Variants in DPH7 observed in about 807,000 individuals in gnomAD.
The protein encoded by DPH7 is diphthine methyltransferase.
A neutral mutation model predicts 41.7 loss-of-function variants in DPH7; 44 were observed. That is an observed-to-expected ratio of 1.05 (90% CI 0.83 to 1.36). The LOEUF is 1.36. DPH7 is among the 40% of genes most tolerant of loss of function. DPH7 has a pLI of 0.00. For synonymous variants in DPH7, 275 were observed against 238.0 expected (o/e 1.16, Z -1.43); for missense variants, 629 against 577.5 (o/e 1.09, Z -0.91).
At chr9:137,559,867 T>C (rs1038943302) in intron 8 of DPH7, among the ~76,000 whole-genome samples, 1 of 152,242 alleles carries the variant, frequency 6.6e-6, no homozygotes, top group African/African-American at 2.4e-5. Context: ...ACATTGGTGG[T>C]AGTGGTCCCC....
chr9:137,556,435 G>A lies in DPH7; in HGVS notation c.950-787C>T, dbSNP rs544332690. ...AAGGGCTGCCATCGCTACCTCTGAA[G>A]TACAGGGATTGATGCCAGCAGTGAC... On this transcript the variant is annotated intron_variant, in intron 8 of 8. Transcript: ENST00000277540. The surrounding 1 kb of genome is among the most constrained non-coding windows in gnomAD (Gnocchi z 5.2). 6.6e-6 allele frequency among the ~76,000 whole-genome samples: 1 copy of A among 152,236 alleles called. No homozygotes were observed. The highest frequency in any genetic ancestry group is 1.5e-5 in the Non-Finnish European group (1 of 68,038).
intron 8 of DPH7, among the ~76,000 whole-genome samples, chr9:137,558,276 T>C (rs1208082508): frequency 1.3e-5 from 2 of 152,154 alleles, no homozygotes; most frequent in Admixed American, 1.3e-4. Context: ...AAGCCTGTAA[T>C]CCCGACACTG....
Position 137,555,009 on chromosome 9 carries a change from G to C in DPH7, c.*230C>G. The C allele has an allele frequency of 2.3e-6, 1 of 430,952 alleles. No homozygotes were observed. Among genetic ancestry groups the C allele is most frequent in the Non-Finnish European group, 3.9e-6 (1 of 253,896 alleles). The allele number at this position is 430,952 out of a possible 1,614,324, so 26.7% of individuals were successfully genotyped here. On this transcript the variant is annotated 3_prime_UTR_variant, in exon 9 of 9. Transcript: ENST00000277540. The stretch of plus-strand genomic sequence containing the variant: ...TTAACAAATCTGCAAGCTGGAAACC[G>C]CGTCTTTTCCCCACTCTCTGCCAGA...
In DPH7 at chr9:137,577,552, A is replaced by G; in HGVS notation, c.205T>C (p.Tyr69His). Residue 69 changes from tyrosine to histidine, a missense_variant, in exon 2 of 9, where the codon TAC becomes CAC. Coordinates refer to ENST00000277540, the MANE Select transcript of DPH7 (RefSeq NM_138778.5). Reference protein sequence around the residue: ...PQVRLGRLFLYSFNDNNSIHP... With the variant: ...PQVRLGRLFLHSFNDNNSIHP... ...ATAGAGTTGTTGTCATTGAAACTGT[A>G]CAGGAAGAGACGGCCTAAACGGACC... The G allele has an allele frequency of 6.2e-7, 1 of 1,614,054 alleles. No homozygotes were observed. The highest frequency in any genetic ancestry group is 2.2e-5 in the East Asian group (1 of 44,878).
chr9:137,559,683 CT>C, intron 8 of DPH7, among the ~76,000 whole-genome samples: 1 of 152,248 alleles, frequency 6.6e-6, no homozygotes, highest in Non-Finnish European at 1.5e-5. Flanking sequence ...TCTCTCTCCT[CT>C]CCCTCTCTGC....
chr9:137,571,280 G>A lies in DPH7; in HGVS notation c.640+2928C>T, dbSNP rs1222408033. Among the ~76,000 whole-genome samples, 14 of 151,844 alleles carry A rather than the reference G, an allele frequency of 9.2e-5. No individual in the cohort carries two copies. The South Asian group carries it at 2.9e-3, about 32-fold the overall frequency. On this transcript the variant is annotated intron_variant, in intron 5 of 8. Transcript: ENST00000277540. ...CGGCTCACTGCAACCTCTGCCTCCC[G>A]GGTTCAAGCAATTCCACTGTCTCAG...
intron 2 of DPH7, among the ~76,000 whole-genome samples, chr9:137,577,036 G>C (rs536912852): frequency 1.4e-5 from 2 of 140,682 alleles, no homozygotes; most frequent in African/African-American, 5.6e-5. Flanking sequence ...CCTGGGCAAC[G>C]GAACAAAACC....
chr9:137,558,305 G>A (rs1247225397), intron 8 of DPH7, among the ~76,000 whole-genome samples: 1 of 152,200 alleles, frequency 6.6e-6, no homozygotes, highest in Non-Finnish European at 1.5e-5. Context: ...GTTGAGGCAG[G>A]AGGACTGCTT....
intron 8 of DPH7, among the ~76,000 whole-genome samples, chr9:137,559,761 A>G (rs1025299497): frequency 4.6e-5 from 7 of 152,148 alleles, no homozygotes; most frequent in Non-Finnish European, 1.0e-4. Flanking sequence ...CTTACCTATC[A>G]TTGGAGATGA....
chr9:137,577,538 G>A lies in DPH7; in HGVS notation c.219C>T (p.Asp73=), dbSNP rs1841627091. 1.2e-6 allele frequency: 2 copies of A among 1,613,882 alleles called. No individual in the cohort carries two copies. The highest frequency in any genetic ancestry group is 4.5e-5 in the East Asian group (2 of 44,896). ...LGRLFLYSFN[D]NNSIHPLVEV... is the part of the protein sequence containing the mutation. ...CGACCAGAGGGTGAATAGAGTTGTT[G>A]TCATTGAAACTGTACAGGAAGAGAC... The change falls in exon 2 of 9, where the codon GAC becomes GAT. Residue 73 remains aspartate, a synonymous_variant. Coordinates refer to ENST00000277540, the MANE Select transcript of DPH7 (RefSeq NM_138778.5).
At chr9:137,571,903 G>T (rs896701574) in intron 5 of DPH7, among the ~76,000 whole-genome samples, 3 of 152,216 alleles carry the variant, frequency 2.0e-5, no homozygotes, top group Non-Finnish European at 4.4e-5. Flanking sequence ...CATAGCATTT[G>T]TTGAAAGAAT....
At chr9:137,555,753 C>T in intron 8 of DPH7, 105 bp from the exon 9 acceptor site, 1 of 1,313,960 alleles carries the variant, frequency 7.6e-7, no homozygotes, top group Non-Finnish European at 1.0e-6. Flanking sequence ...CCTCACAGGT[C>T]AGCAAGTGTT....
rs1841377728 is a variant in DPH7 at position 137,576,279 on chromosome 9, C to A, written c.288-112G>T. 4.1e-5 allele frequency: 37 copies of A among 891,712 alleles called. 3 individuals are homozygous for A. The South Asian group carries it at 5.2e-4, about 13-fold the overall frequency. 55.2% of individuals were successfully genotyped at this position (891,712 alleles called of 1,614,324 possible). On this transcript the variant is annotated intron_variant, in intron 2 of 8. Transcript: ENST00000277540. ...CTTAACAACGGGGCTGCAGTCCACG[C>A]AAACCCAGCTGGGACATCCTACTAC... is the stretch of plus-strand genomic sequence containing the variant.
intron 8 of DPH7, among the ~76,000 whole-genome samples, chr9:137,559,186 A>G (rs945646953): frequency 6.6e-5 from 10 of 152,210 alleles, no homozygotes; most frequent in Admixed American, 1.3e-4. Context: ...TAACCTAGGA[A>G]AAACCAGGCC....
chr9:137,569,771 A>G (rs1047134407), intron 5 of DPH7, among the ~76,000 whole-genome samples: 6 of 138,900 alleles, frequency 4.3e-5, no homozygotes, highest in African/African-American at 1.7e-4. Flanking sequence ...TCCACCATCC[A>G]TCTATCCAGT....
Position 137,558,585 on chromosome 9 carries a change from C to T in DPH7, c.950-2937G>A, listed in dbSNP as rs575282745. On this transcript the variant is annotated intron_variant, in intron 8 of 8. Transcript: ENST00000277540. ...AAGAAGCCGGATATAAAAAGACACA[C>T]GATTCTACTTCCATGAAATATCTAG... Among the ~76,000 whole-genome samples, 12 of 152,184 alleles carry T rather than the reference C, an allele frequency of 7.9e-5. No homozygotes were observed. In the South Asian group the frequency reaches 1.5e-3, roughly 18 times the overall value.
Position 137,574,835 on chromosome 9 carries a change from G to A in DPH7, c.384C>T (p.His128=), listed in dbSNP as rs566429370. 9.0e-5 allele frequency: 145 copies of A among 1,613,852 alleles called. 1 individual carries two copies. The South Asian group carries it at 1.3e-3, about 15-fold the overall frequency. The change falls in exon 4 of 9, where the codon CAC becomes CAT. Residue 128 remains histidine, a synonymous_variant. Transcript: ENST00000277540. Reference sequence around the variant, plus strand: ...CAAGGCTGGACAATGGCTCCAGCACGTGGCTCTTCTACTGGAGAAGAAGAA... The same window carrying A: ...CAAGGCTGGACAATGGCTCCAGCACATGGCTCTTCTACTGGAGAAGAAGAA... ...LLRLVESEKS[H]VLEPLSSLAL...
At chr9:137,575,001 C>T in intron 3 of DPH7, 158 bp from the exon 4 acceptor site, 2 of 1,429,838 alleles carry the variant, frequency 1.4e-6, no homozygotes, top group Non-Finnish European at 1.8e-6. Context: ...AACACTGAAA[C>T]CCCTGCTAGG....
At chr9:137,573,897 C>T (rs949197172) in intron 5 of DPH7, among the ~76,000 whole-genome samples, 8 of 151,632 alleles carry the variant, frequency 5.3e-5, no homozygotes, top group African/African-American at 1.9e-4. Flanking sequence ...GAAACCCTGT[C>T]TCTACTAAAA....
Sources: allele counts gnomAD v4.1 joint callset (sites outside exome capture counted in the v4.1 genomes callset), GRCh38; gene constraint gnomAD v4.1.1; non-coding constraint Gnocchi (gnomAD v3.1); transcripts MANE v1.5; gene names NCBI Gene and HGNC (gene_info 2026-07-23, HGNC 2026-07-21).